EIF2AK4: variants seen among roughly 807,000 people sequenced by gnomAD.
EIF2AK4 encodes eukaryotic translation initiation factor 2 alpha kinase 4, also known as eIF-2-alpha kinase GCN2.
A neutral mutation model predicts 211.1 loss-of-function variants in EIF2AK4; 139 were observed. The ratio of observed to expected loss-of-function variants is 0.66; its 90% CI spans 0.57 to 0.76. EIF2AK4 has a LOEUF of 0.76. Among genes scored for constraint, EIF2AK4 ranks in the 30% least tolerant of loss-of-function variants. The pLI is 0.00. For missense variants in EIF2AK4, 1,664 were observed against 2,043.8 expected (o/e 0.81, Z 3.58); for synonymous variants, 710 against 751.3 (o/e 0.94, Z 0.90).
chr15:39,999,602 A>C (rs555872864), intron 20 of EIF2AK4, among the ~76,000 whole-genome samples: 7 of 152,330 alleles, frequency 4.6e-5, no homozygotes, highest in Admixed American at 6.5e-5. Flanking sequence ...TCCCTCACCT[A>C]TAAAATAAAA....
intron 6 of EIF2AK4, 67 bp downstream of exon 6, chr15:39,955,835 G>A: frequency 6.7e-7 from 1 of 1,482,644 alleles, no homozygotes; most frequent in Non-Finnish European, 9.0e-7. Context: ...CATTGAAGAT[G>A]TAGTGAAATT....
At position 39,952,652 on chromosome 15, in the gene EIF2AK4, T is replaced by C. The variant is rs568529534; in HGVS notation, c.514-1252T>C. On this transcript the variant is annotated intron_variant, in intron 4 of 38. Coordinates refer to ENST00000263791, the MANE Select transcript of EIF2AK4 (RefSeq NM_001013703.4). ...TACAGATATTACTATTTCTTAAAGT[T>C]ACTTTTAGTGTTTTGTTCTTAGGTT... 3.4e-4 allele frequency among the ~76,000 whole-genome samples: 52 copies of C among 152,298 alleles called. 1 individual carries two copies. In the South Asian group the frequency reaches 0.011, roughly 31 times the overall value.
chr15:39,996,462 T>C (rs911072963), intron 18 of EIF2AK4, among the ~76,000 whole-genome samples: 4 of 152,180 alleles, frequency 2.6e-5, no homozygotes, highest in Non-Finnish European at 4.4e-5. Context: ...CCCAGCACTT[T>C]AGGAGGCCAA....
At position 39,976,429 on chromosome 15, in the gene EIF2AK4, G is replaced by T; in HGVS notation, c.1834G>T (p.Asp612Tyr). The T allele has an allele frequency of 6.2e-7, 1 of 1,603,058 alleles. No homozygotes were observed. Among genetic ancestry groups the T allele is most frequent in the South Asian group, 1.1e-5 (1 of 89,314 alleles). Residue 612 changes from aspartate to tyrosine, a missense_variant, in exon 12 of 39, where the codon GAC becomes TAC. Around this residue, in one of 7 missense-constraint regions of EIF2AK4, gnomAD observed 37 missense variants for 84.0 expected, o/e 0.44. Coordinates refer to ENST00000263791, the MANE Select transcript of EIF2AK4 (RefSeq NM_001013703.4). ...GAVIKVQNKL[D>Y]GCCYAVKRIP... ...TGTGCCGCAGGTGCAGAACAAGTTG[G>T]ACGGCTGCTGCTACGCAGTGAAGCG...
chr15:39,964,651 A>G (rs1368665583), intron 7 of EIF2AK4, among the ~76,000 whole-genome samples: 2 of 152,194 alleles, frequency 1.3e-5, no homozygotes, highest in Non-Finnish European at 1.5e-5. Context: ...AAGAAAAATA[A>G]AACAAGTGGT....
intron 1 of EIF2AK4, among the ~76,000 whole-genome samples, chr15:39,937,854 A>G (rs928322965): frequency 1.3e-5 from 2 of 152,240 alleles, no homozygotes; most frequent in African/African-American, 4.8e-5. Context: ...CTCATTTGAA[A>G]TGCCATTCCT....
rs191233858 is a variant in EIF2AK4, at chr15:39,994,880, C to T, written c.2766+2032C>T. On this transcript the variant is annotated intron_variant, in intron 18 of 38. Coordinates refer to ENST00000263791, the MANE Select transcript of EIF2AK4 (RefSeq NM_001013703.4). Reference sequence around the variant, plus strand: ...TTTTGAGATGGAGTCTTGCTCTTTTCGCCCAGGCTGGAGCACAGCGGTGGG... The same window carrying T: ...TTTTGAGATGGAGTCTTGCTCTTTTTGCCCAGGCTGGAGCACAGCGGTGGG... 1.2e-4 allele frequency among the ~76,000 whole-genome samples: 19 copies of T among 152,104 alleles called. No individual in the cohort carries two copies. The South Asian group carries it at 3.3e-3, about 27-fold the overall frequency.
chr15:40,002,401 T>C, intron 21 of EIF2AK4: 2 of 270,970 alleles, frequency 7.4e-6, no homozygotes, highest in South Asian at 6.5e-5. Context: ...ACAGTATCCC[T>C]GAGAGTCAGA....
chr15:39,984,049 T>C (rs967768303), intron 13 of EIF2AK4, among the ~76,000 whole-genome samples: 3 of 152,144 alleles, frequency 2.0e-5, no homozygotes, highest in Non-Finnish European at 2.9e-5. Context: ...GGAAGGGATT[T>C]GGTTTCAGCT....
intron 1 of EIF2AK4, among the ~76,000 whole-genome samples, chr15:39,939,177 G>A (rs561800418): frequency 6.6e-6 from 1 of 152,236 alleles, no homozygotes; most frequent in Admixed American, 6.5e-5. Flanking sequence ...TCAGCTGGTT[G>A]GGACTGTGTC....
rs1363770726 is a variant in EIF2AK4, at chr15:40,035,039, A to C, written c.4905A>C (p.Leu1635=). 1 of 1,583,262 alleles carries C rather than the reference A, an allele frequency of 6.3e-7. No homozygotes were observed. The highest frequency in any genetic ancestry group is 8.6e-7 in the Non-Finnish European group (1 of 1,165,972). ...TTTTCTTTTGCAGGGTGTCTGTGCT[A>C]TTTCTGTACAGCTATAGAGATGACT... ...NIKVEKKVSV[L]FLYSYRDDYY... Residue 1635 remains leucine, a synonymous_variant, in exon 39 of 39, where the codon CTA becomes CTC. Transcript: ENST00000263791.
intron 3 of EIF2AK4, among the ~76,000 whole-genome samples, chr15:39,943,940 G>C (rs189997646): frequency 5.7e-4 from 86 of 151,836 alleles, no homozygotes; most frequent in African/African-American, 2.1e-3. Context: ...GGGCCATAGA[G>C]CAAGACCCTC....
In EIF2AK4 at chr15:39,998,749, C is replaced by G. The variant is rs2035055091; in HGVS notation, c.2887C>G (p.Pro963Ala). The G allele has an allele frequency of 6.2e-7, 1 of 1,612,822 alleles. No homozygotes were observed. Among genetic ancestry groups the G allele is most frequent in the Non-Finnish European group, 8.5e-7 (1 of 1,179,432 alleles). Residue 963 changes from proline to alanine, a missense_variant, in exon 20 of 39, where the codon CCA becomes GCA. Around this residue, in one of 7 missense-constraint regions of EIF2AK4, gnomAD observed 622 missense variants for 796.8 expected, o/e 0.78. Transcript: ENST00000263791. ...QLRDPTSPKF[P>A]EDFDDGEHAK... is the part of the protein sequence containing the mutation. ...TTTTTAGCCCACTTCGCCTAAGTTT[C>G]CAGAAGACTTTGACGATGGAGAGCA...
chr15:40,024,722 A>C, intron 32 of EIF2AK4, among the ~76,000 whole-genome samples: 1 of 146,946 alleles, frequency 6.8e-6, no homozygotes, highest in Non-Finnish European at 1.5e-5. Context: ...TTACTCTGAG[A>C]ATCCTGGCTT....
In EIF2AK4 at chr15:40,035,503, A is replaced by G. The variant is rs2140954612; in HGVS notation, c.*419A>G. 1 of 152,914 alleles carries G rather than the reference A, an allele frequency of 6.5e-6. No homozygotes were observed. Among genetic ancestry groups the G allele is most frequent in the South Asian group, 2.1e-4 (1 of 4,846 alleles). The allele number at this position is 152,914 out of a possible 1,614,324, so 9.5% of individuals were successfully genotyped here. A position where few individuals can be genotyped will look rare whatever the true frequency, so the allele number is the denominator to read the frequency against. Reference sequence around the variant, plus strand: ...AGAAAAAAAAAATTTTTTTCTAAGAAGCTGTCCTACAAAGTTGAGCTTTGT... The same window carrying G: ...AGAAAAAAAAAATTTTTTTCTAAGAGGCTGTCCTACAAAGTTGAGCTTTGT... On this transcript the variant is annotated 3_prime_UTR_variant, in exon 39 of 39. Coordinates refer to ENST00000263791, the MANE Select transcript of EIF2AK4 (RefSeq NM_001013703.4).
chr15:39,981,699 T>C (rs77376870), intron 13 of EIF2AK4, among the ~76,000 whole-genome samples: 1,535 of 152,152 alleles, frequency 0.01, 29 homozygotes, highest in African/African-American at 0.036. Flanking sequence ...TACTAACTAA[T>C]ACTTTTTCTG....
chr15:40,035,219 C>CA lies in EIF2AK4; in HGVS notation c.*136dup. ...GTGCAGTGGCTCACACCTTTAATCC[C>CA]AGCACTTTGGGAAGCCAAGGCAGGA... On this transcript the variant is annotated 3_prime_UTR_variant, in exon 39 of 39. Coordinates refer to ENST00000263791, the MANE Select transcript of EIF2AK4 (RefSeq NM_001013703.4). 1.6e-6 allele frequency: 1 copy of CA among 624,128 alleles called. No homozygotes were observed. The highest frequency in any genetic ancestry group is 2.4e-6 in the Non-Finnish European group (1 of 414,998). The allele number at this position is 624,128 out of a possible 1,614,324, so 38.7% of individuals were successfully genotyped here.
Position 39,976,776 on chromosome 15 carries a change from C to T in EIF2AK4, c.2181C>T (p.Gly727=). The T allele has an allele frequency of 6.3e-7, 1 of 1,590,334 alleles. No homozygotes were observed. The stretch of plus-strand genomic sequence containing the variant: ...CCAGTGCCCGTTTCCCCGCCACCGG[C>T]CCGGGCTCCAGCGATGACGAGGACG... The part of the protein sequence containing the change: ...RSASARFPAT[G]PGSSDDEDDD... The change falls in exon 12 of 39, where the codon GGC becomes GGT. Residue 727 remains glycine, a synonymous_variant. Transcript: ENST00000263791.
Position 40,004,104 on chromosome 15 carries a change from C to T in EIF2AK4, c.3357+790C>T, listed in dbSNP as rs2035128123. 2.0e-5 allele frequency among the ~76,000 whole-genome samples: 3 copies of T among 152,158 alleles called. No individual in the cohort carries two copies. In the South Asian group the frequency reaches 6.2e-4, roughly 32 times the overall value. On this transcript the variant is annotated intron_variant, in intron 23 of 38. Coordinates refer to ENST00000263791, the MANE Select transcript of EIF2AK4 (RefSeq NM_001013703.4). ...GAAACATTTTTAAATTAATGTTATC[C>T]AGAGATGACAGGAGTGTAGGAAAGT...
Sources: allele counts gnomAD v4.1 joint callset (sites outside exome capture counted in the v4.1 genomes callset), GRCh38; gene constraint gnomAD v4.1.1; regional missense constraint gnomAD v4.1.1; transcripts MANE v1.5; gene names NCBI Gene and HGNC (gene_info 2026-07-23, HGNC 2026-07-21).